NBEA: variants seen among roughly 807,000 people sequenced by gnomAD.
NBEA encodes lysosomal-trafficking regulator 2.
Under a neutral mutation model 343.4 loss-of-function variants are expected in NBEA, and 44 were observed. That is an observed-to-expected ratio of 0.13 (90% confidence interval 0.10 to 0.16). The LOEUF is 0.16. NBEA is among the 10% of genes least tolerant of loss of function. NBEA has a pLI of 1.00. For synonymous variants in NBEA, 1,175 were observed against 1,238.7 expected, an observed-to-expected ratio of 0.95 and a Z score of 1.08; for missense variants, 2,555 against 3,631.3, an observed-to-expected ratio of 0.70 and a Z score of 7.62.
chr13:35,267,932 GT>G (rs2033824111), intron 34 of NBEA, among the ~76,000 whole-genome samples: 1 of 151,890 alleles, frequency 6.6e-6, no homozygotes, highest in South Asian at 2.1e-4. Context: ...TACAGCTGAT[GT>G]GCAAACCAGT....
intron 51 of NBEA, among the ~76,000 whole-genome samples, chr13:35,646,715 C>T (rs528432769): frequency 2.4e-4 from 37 of 152,098 alleles, no homozygotes; most frequent in Admixed American, 4.6e-4. Context: ...TGCCAAATTT[C>T]GTGGCAAGAT....
chr13:35,245,851 G>A (rs1372934440), intron 34 of NBEA, among the ~76,000 whole-genome samples: 1 of 152,102 alleles, frequency 6.6e-6, no homozygotes, highest in Non-Finnish European at 1.5e-5. Flanking sequence ...AGCTGGAGAA[G>A]TTTCCCCCAA....
At chr13:35,491,926 A>C (rs2076513917) in intron 41 of NBEA, among the ~76,000 whole-genome samples, 1 of 152,022 alleles carries the variant, frequency 6.6e-6, no homozygotes, top group South Asian at 2.1e-4. Flanking sequence ...ATAGAGTTCA[A>C]ATAACATAAA....
chr13:35,181,761 A>G lies in NBEA; in HGVS notation c.4663-599A>G, dbSNP rs1307233633. Among the ~76,000 whole-genome samples, 3 of 151,572 alleles carry G rather than the reference A, an allele frequency of 2.0e-5. No homozygotes were observed. In the East Asian group the frequency reaches 5.8e-4, roughly 29 times the overall value. ...AGCCAATGTCTAGAAGGGTTTGTCA[A>G]ATGTTACCTGTTTATACGATCAAAG... On this transcript the variant is annotated intron_variant, in intron 28 of 58. Transcript: ENST00000379939.
chr13:35,234,728 A>T (rs185085107), intron 34 of NBEA, among the ~76,000 whole-genome samples: 3 of 152,048 alleles, frequency 2.0e-5, no homozygotes, highest in South Asian at 4.1e-4. Context: ...CCCTGCTTCT[A>T]CCTAACTCCT....
At chr13:34,986,915 A>G (rs1481173398) in intron 1 of NBEA, among the ~76,000 whole-genome samples, 2 of 150,698 alleles carry the variant, frequency 1.3e-5, no homozygotes, top group South Asian at 2.1e-4. Context: ...GTCTCTGCAC[A>G]TGGGATGGGT....
chr13:35,193,508 C>G (rs530401717), intron 30 of NBEA, among the ~76,000 whole-genome samples: 1 of 151,934 alleles, frequency 6.6e-6, no homozygotes, highest in South Asian at 2.1e-4. Flanking sequence ...CTAGATATTT[C>G]AGAAATACCC....
intron 48 of NBEA, among the ~76,000 whole-genome samples, chr13:35,623,022 T>C (rs1433903281): frequency 1.3e-5 from 2 of 152,210 alleles, no homozygotes; most frequent in Admixed American, 1.3e-4. Flanking sequence ...AATATCACTC[T>C]TTATTTCCTT....
intron 31 of NBEA, among the ~76,000 whole-genome samples, chr13:35,198,308 G>A (rs1443078983): frequency 6.6e-6 from 1 of 151,944 alleles, no homozygotes; most frequent in Non-Finnish European, 1.5e-5. Flanking sequence ...AGTAATTTAA[G>A]TTTTGTATTC....
intron 46 of NBEA, among the ~76,000 whole-genome samples, chr13:35,584,319 T>C (rs2081189661): frequency 6.6e-6 from 1 of 150,854 alleles, no homozygotes; most frequent in African/African-American, 2.4e-5. Context: ...CATACCTTTT[T>C]TTTTTTTTTT....
chr13:35,099,285 G>A (rs1486482151), intron 11 of NBEA, among the ~76,000 whole-genome samples: 1 of 140,220 alleles, frequency 7.1e-6, no homozygotes, highest in South Asian at 2.3e-4. Flanking sequence ...TGCAAGCTCC[G>A]CCTCCCAGGT....
intron 11 of NBEA, among the ~76,000 whole-genome samples, chr13:35,101,059 G>T (rs945207039): frequency 6.6e-6 from 1 of 151,596 alleles, no homozygotes; most frequent in Non-Finnish European, 1.5e-5. Flanking sequence ...CAGCTAAATA[G>T]TATTCCATTA....
intron 38 of NBEA, among the ~76,000 whole-genome samples, chr13:35,412,259 G>A (rs1422939570): frequency 6.6e-6 from 1 of 152,110 alleles, no homozygotes; most frequent in Non-Finnish European, 1.5e-5. Context: ...ATATCACTGA[G>A]AATACATCCA....
intron 34 of NBEA, among the ~76,000 whole-genome samples, chr13:35,267,335 A>G (rs575087358): frequency 2.7e-4 from 41 of 152,092 alleles, no homozygotes; most frequent in African/African-American, 8.9e-4. Context: ...TCTTTCCACA[A>G]TGTGTATATA....
chr13:35,048,824 C>A (rs1315374351), intron 5 of NBEA, 140 bp downstream of exon 5: 1 of 490,222 alleles, frequency 2.0e-6, no homozygotes, highest in Non-Finnish European at 3.5e-6. Flanking sequence ...CACTGTAAAT[C>A]AGTTTTATTT....
At chr13:35,665,247 GTGA>G in intron 56 of NBEA, 61 bp downstream of exon 56, 1 of 1,313,740 alleles carries the variant, frequency 7.6e-7, no homozygotes, top group South Asian at 1.3e-5. Flanking sequence ...CACACTAAGC[GTGA>G]TTGTCAGTTT....
intron 1 of NBEA, among the ~76,000 whole-genome samples, chr13:35,014,303 G>A (rs943194735): frequency 2.0e-5 from 3 of 151,872 alleles, no homozygotes; most frequent in East Asian, 3.9e-4. Flanking sequence ...CAATCTATTT[G>A]TGCCATACTT....
intron 31 of NBEA, among the ~76,000 whole-genome samples, chr13:35,205,089 T>C (rs1566455264): frequency 6.6e-6 from 1 of 152,142 alleles, no homozygotes; most frequent in Non-Finnish European, 1.5e-5. Flanking sequence ...GTAAGATTGA[T>C]TGCTAAGAAA....
intron 40 of NBEA, among the ~76,000 whole-genome samples, chr13:35,454,544 C>G (rs1477146154): frequency 6.6e-6 from 1 of 152,046 alleles, no homozygotes; most frequent in Non-Finnish European, 1.5e-5. Context: ...GAAAATGTCA[C>G]CCTTACAGGA....
Sources: allele counts gnomAD v4.1 joint callset (sites outside exome capture counted in the v4.1 genomes callset), GRCh38; gene constraint gnomAD v4.1.1; transcripts MANE v1.5; gene names NCBI Gene and HGNC (gene_info 2026-07-23, HGNC 2026-07-21).